The following TNFSF4 variants were observed in gnomAD, a reference collection of about 807,000 sequenced individuals.
TNFSF4 encodes TNF superfamily member 4, also known as tumor necrosis factor ligand superfamily member 4.
In TNFSF4, 4 loss-of-function variants were observed where a neutral mutation model predicts 7.3. The ratio of observed to expected loss-of-function variants is 0.55; its 90% CI spans 0.27 to 1.25. The LOEUF (loss-of-function observed/expected upper bound fraction) is 1.25. TNFSF4 is among the 50% of genes most tolerant of loss of function. TNFSF4 has a pLI of 0.12. For missense variants in TNFSF4, 181 were observed against 208.8 expected, an observed-to-expected ratio of 0.87 and a Z score of 0.82; for synonymous variants, 76 against 83.7, an observed-to-expected ratio of 0.91 and a Z score of 0.50.
chr1:173,224,272 G>A, the TNFSF4 span, among the ~76,000 whole-genome samples: 1 of 152,164 alleles, frequency 6.6e-6, no homozygotes, highest in Non-Finnish European at 1.5e-5. Context: ...AAATAAACGA[G>A]TGTGGGTAAG....
chr1:173,422,450 C>T, the TNFSF4 span, among the ~76,000 whole-genome samples: 1 of 151,682 alleles, frequency 6.6e-6, no homozygotes, highest in Admixed American at 6.6e-5. Context: ...GTGAGAGAGG[C>T]AGGTCTTTGT....
the TNFSF4 span, among the ~76,000 whole-genome samples, chr1:173,237,666 A>G: frequency 6.6e-6 from 1 of 152,234 alleles, no homozygotes; most frequent in East Asian, 1.9e-4. Flanking sequence ...AATTGCCACA[A>G]AAAGGATAAA....
chr1:173,191,687 C>A (rs1371710325), intron 1 of TNFSF4, among the ~76,000 whole-genome samples: 1 of 152,212 alleles, frequency 6.6e-6, no homozygotes, highest in Non-Finnish European at 1.5e-5. Flanking sequence ...ACTTTGGAGT[C>A]AGATTTAGTT....
At chr1:173,334,421 C>T in the TNFSF4 span, among the ~76,000 whole-genome samples, 155 of 152,274 alleles carry the variant, frequency 1.0e-3, no homozygotes, top group African/African-American at 3.4e-3. Context: ...AAATGATGAG[C>T]CTAAGTTCTC....
chr1:173,403,413 T>C, the TNFSF4 span, among the ~76,000 whole-genome samples: 21 of 152,298 alleles, frequency 1.4e-4, no homozygotes, highest in East Asian at 4.0e-3. Flanking sequence ...AGTTCGCCAA[T>C]GTAAGTGTCT....
At chr1:173,233,345 A>G in the TNFSF4 span, among the ~76,000 whole-genome samples, 21 of 151,818 alleles carry the variant, frequency 1.4e-4, 1 homozygote, top group East Asian at 4.1e-3. Context: ...GACCAAATCT[A>G]CGTCTGATTG....
chr1:173,304,363 C>A, the TNFSF4 span, among the ~76,000 whole-genome samples: 2 of 151,816 alleles, frequency 1.3e-5, no homozygotes, highest in Admixed American at 1.3e-4. Flanking sequence ...GGCAAGGGGA[C>A]TGGGTTGGGC....
At chr1:173,418,899 A>T in the TNFSF4 span, among the ~76,000 whole-genome samples, 134,585 of 152,238 alleles carry the variant, frequency 0.88, 59,694 homozygotes, top group East Asian at 0.97. Context: ...TTTGAATGTG[A>T]CCCCCAAATT....
At chr1:173,405,731 A>G in the TNFSF4 span, among the ~76,000 whole-genome samples, 1 of 152,226 alleles carries the variant, frequency 6.6e-6, no homozygotes, top group Non-Finnish European at 1.5e-5. Context: ...AAGATTACAT[A>G]AAAAGAGTAG....
chr1:173,299,810 G>T, the TNFSF4 span, among the ~76,000 whole-genome samples: 6 of 151,852 alleles, frequency 4.0e-5, no homozygotes, highest in Non-Finnish European at 7.4e-5. Flanking sequence ...AACATGTAAA[G>T]TTGGGAGGGG....
the TNFSF4 span, among the ~76,000 whole-genome samples, chr1:173,419,382 G>A: frequency 9.2e-5 from 14 of 151,620 alleles, no homozygotes; most frequent in Admixed American, 3.3e-4. Flanking sequence ...TAACCCAAGC[G>A]GACAAGCCTG....
intron 1 of TNFSF4, among the ~76,000 whole-genome samples, chr1:173,196,310 T>C (rs1314790340): frequency 6.6e-6 from 1 of 152,206 alleles, no homozygotes; most frequent in African/African-American, 2.4e-5. Flanking sequence ...TTGAAAACCT[T>C]GTTGGATAAC....
the TNFSF4 span, among the ~76,000 whole-genome samples, chr1:173,218,752 A>G: frequency 6.6e-6 from 1 of 152,196 alleles, no homozygotes; most frequent in Non-Finnish European, 1.5e-5. Context: ...AGAAAAATAA[A>G]AGACAGAAAA....
At chr1:173,303,476 T>C in the TNFSF4 span, among the ~76,000 whole-genome samples, 1 of 151,956 alleles carries the variant, frequency 6.6e-6, no homozygotes, top group Admixed American at 6.6e-5. Context: ...TTAGAAGAGG[T>C]TTCCTTGAAA....
chr1:173,417,995 C>G, the TNFSF4 span: 1 of 149,970 alleles, frequency 6.7e-6, no homozygotes, highest in African/African-American at 2.5e-5. Context: ...GAAGCCTTCC[C>G]TGGCCACCCA....
chr1:173,262,355 C>A, the TNFSF4 span, among the ~76,000 whole-genome samples: 1 of 152,128 alleles, frequency 6.6e-6, no homozygotes, highest in African/African-American at 2.4e-5. Flanking sequence ...CTATTTATGA[C>A]ACACCCACAG....
chr1:173,438,150 A>G, the TNFSF4 span, among the ~76,000 whole-genome samples: 5 of 152,210 alleles, frequency 3.3e-5, no homozygotes, highest in Non-Finnish European at 5.9e-5. Flanking sequence ...ACTAAATTAG[A>G]GAGTATCTAG....
chr1:173,239,677 A>T, the TNFSF4 span, among the ~76,000 whole-genome samples: 1 of 152,294 alleles, frequency 6.6e-6, no homozygotes, highest in African/African-American at 2.4e-5. Flanking sequence ...TCTGCATATC[A>T]TGATGTCCTC....
chr1:173,299,636 G>A, the TNFSF4 span, among the ~76,000 whole-genome samples: 9 of 151,850 alleles, frequency 5.9e-5, no homozygotes, highest in African/African-American at 1.9e-4. Flanking sequence ...TTTTTGTATT[G>A]ACTATTTGAT....
Sources: gnomAD v4.1 joint callset for allele counts (sites outside exome capture counted in the v4.1 genomes callset) on GRCh38, gnomAD v4.1.1 for gene constraint, MANE v1.5 for transcripts, NCBI Gene and HGNC (gene_info 2026-07-23, HGNC 2026-07-21) for gene names.